The following XIRP2 variants were observed in gnomAD, a reference collection of about 807,000 sequenced individuals.
XIRP2 encodes xin actin-binding repeat-containing protein 2.
Under a neutral mutation model 277.0 loss-of-function variants are expected in XIRP2, and 236 were observed. That is an observed-to-expected ratio of 0.85 (90% CI 0.77 to 0.95). XIRP2 has a LOEUF of 0.95. Ranked by LOEUF, XIRP2 falls within the 40% of genes least tolerant of loss-of-function variation. XIRP2 has a pLI of 0.00. For missense variants in XIRP2, 4,640 were observed against 4,157.5 expected, an observed-to-expected ratio of 1.12 and a Z score of -3.19; for synonymous variants, 1,490 against 1,416.5, an observed-to-expected ratio of 1.05 and a Z score of -1.17.
chr2:167,171,719 G>A (rs1182859734), intron 3 of XIRP2, among the ~76,000 whole-genome samples: 7 of 149,788 alleles, frequency 4.7e-5, no homozygotes, highest in African/African-American at 9.9e-5. Context: ...TAATTCAAGT[G>A]TTTAAGTTTT....
At chr2:167,252,622 G>A (rs959066241) in intron 9 of XIRP2, among the ~76,000 whole-genome samples, 1 of 151,764 alleles carries the variant, frequency 6.6e-6, no homozygotes, top group Non-Finnish European at 1.5e-5. Flanking sequence ...TAAAAATTTT[G>A]ATTTTATTTG....
intron 2 of XIRP2, among the ~76,000 whole-genome samples, chr2:167,011,380 A>T (rs891511297): frequency 1.3e-5 from 2 of 150,780 alleles, no homozygotes; most frequent in Non-Finnish European, 3.0e-5. Flanking sequence ...ACATTTATTG[A>T]TTTGTGTATA....
chr2:167,048,646 A>G (rs180766058), intron 2 of XIRP2, among the ~76,000 whole-genome samples: 287 of 151,870 alleles, frequency 1.9e-3, no homozygotes, highest in Non-Finnish European at 2.2e-3. Flanking sequence ...AAATTGCCTA[A>G]ATCAGATCAC....
At chr2:166,904,858 G>A (rs1263281794) in intron 2 of XIRP2, among the ~76,000 whole-genome samples, 1 of 151,932 alleles carries the variant, frequency 6.6e-6, no homozygotes, top group East Asian at 1.9e-4. Flanking sequence ...CTTGTTAATG[G>A]ATAATTAGCC....
intron 2 of XIRP2, among the ~76,000 whole-genome samples, chr2:166,924,430 T>C (rs900856491): frequency 1.3e-4 from 20 of 152,114 alleles, no homozygotes; most frequent in Non-Finnish European, 1.9e-4. Flanking sequence ...ATCAGCTTTA[T>C]TTGCATAAAC....
Position 166,939,928 on chromosome 2 carries a change from G to T in XIRP2, c.408+36038G>T, listed in dbSNP as rs549628988. Among the ~76,000 whole-genome samples the T allele has an allele frequency of 3.9e-5, 6 of 152,152 alleles. No individual in the cohort carries two copies. The East Asian group carries it at 9.7e-4, about 25-fold the overall frequency. On this transcript the variant is annotated intron_variant, in intron 2 of 10. Transcript: ENST00000409195. ...GTGAATCTGACAATTATGTGTCTTG[G>T]AGTTGCTTTTCTTGAGGAGAATCTT...
Position 167,210,718 on chromosome 2 carries a change from GCT to G in XIRP2, c.563-14_563-13del. 2 of 1,613,874 alleles carry G rather than the reference GCT, an allele frequency of 1.2e-6. No individual in the cohort carries two copies. The highest frequency in any genetic ancestry group is 2.2e-5 in the East Asian group (1 of 44,858). On this transcript the variant is annotated splice_polypyrimidine_tract_variant and intron_variant, in intron 3 of 10. Transcript: ENST00000409195. ...AAGCTTAACACACATGTGTAAGCAT[GCT>G]CTGTTTGCTTTCAGCGACTGCTGGC...
intron 3 of XIRP2, among the ~76,000 whole-genome samples, chr2:167,177,710 C>A (rs2105354290): frequency 6.6e-6 from 1 of 152,180 alleles, no homozygotes; most frequent in South Asian, 2.1e-4. Context: ...ATCAGATATG[C>A]AAATATCCAA....
At chr2:167,010,523 T>C (rs1274184447) in intron 2 of XIRP2, among the ~76,000 whole-genome samples, 1 of 152,166 alleles carries the variant, frequency 6.6e-6, no homozygotes, top group Non-Finnish European at 1.5e-5. Flanking sequence ...AGCTTTGTTC[T>C]TTTGGCTTAG....
chr2:167,112,222 C>T (rs1558983946), intron 2 of XIRP2, among the ~76,000 whole-genome samples: 1 of 151,806 alleles, frequency 6.6e-6, no homozygotes, highest in East Asian at 1.9e-4. Context: ...TTGGTTTGCT[C>T]TTGCTTCTCT....
intron 2 of XIRP2, among the ~76,000 whole-genome samples, chr2:167,051,011 CT>C (rs1380675310): frequency 6.6e-6 from 1 of 152,034 alleles, no homozygotes; most frequent in African/African-American, 2.4e-5. Flanking sequence ...CTTATGCCCC[CT>C]ATCCATGAAC....
chr2:167,193,475 A>G (rs79328596), intron 3 of XIRP2, among the ~76,000 whole-genome samples: 4,368 of 152,236 alleles, frequency 0.029, 96 homozygotes, highest in African/African-American at 0.052. Context: ...CATTTCTTCC[A>G]TATTCTCAAA....
chr2:166,919,795 T>C (rs1684988614), intron 2 of XIRP2, among the ~76,000 whole-genome samples: 1 of 152,118 alleles, frequency 6.6e-6, no homozygotes, highest in South Asian at 2.1e-4. Flanking sequence ...AAATTTTCTT[T>C]CTTTTTAATA....
At chr2:166,982,800 A>G (rs551662341) in intron 2 of XIRP2, among the ~76,000 whole-genome samples, 4 of 152,158 alleles carry the variant, frequency 2.6e-5, no homozygotes, top group Non-Finnish European at 5.9e-5. Flanking sequence ...AAATTCCAAC[A>G]TCTGTATCAT....
chr2:167,136,604 T>C (rs1432515298), intron 3 of XIRP2, among the ~76,000 whole-genome samples: 1 of 152,226 alleles, frequency 6.6e-6, no homozygotes, highest in Non-Finnish European at 1.5e-5. Flanking sequence ...ATTAAAAAGT[T>C]AATAGCTCGT....
chr2:166,905,913 A>G (rs1339718436), intron 2 of XIRP2, among the ~76,000 whole-genome samples: 1 of 152,008 alleles, frequency 6.6e-6, no homozygotes, highest in Non-Finnish European at 1.5e-5. Flanking sequence ...CATATTGATT[A>G]CATACAACTT....
At chr2:167,229,993 T>C (rs981280933) in intron 5 of XIRP2, among the ~76,000 whole-genome samples, 7 of 151,930 alleles carry the variant, frequency 4.6e-5, no homozygotes, top group South Asian at 2.1e-4. Flanking sequence ...CAGGAATGAG[T>C]GGAGGCCACT....
chr2:166,969,346 C>T (rs1005377484), intron 2 of XIRP2, among the ~76,000 whole-genome samples: 3 of 152,088 alleles, frequency 2.0e-5, no homozygotes, highest in Admixed American at 2.0e-4. Context: ...TGAATTTATT[C>T]ACGTCTAGTC....
intron 2 of XIRP2, among the ~76,000 whole-genome samples, chr2:167,113,571 C>A (rs1252552806): frequency 2.0e-5 from 3 of 152,138 alleles, no homozygotes; most frequent in Non-Finnish European, 4.4e-5. Context: ...AGATAGCATA[C>A]CATCTGGCCC....
Sources: gnomAD v4.1 joint callset for allele counts (sites outside exome capture counted in the v4.1 genomes callset) on GRCh38, gnomAD v4.1.1 for gene constraint, MANE v1.5 for transcripts, NCBI Gene and HGNC (gene_info 2026-07-23, HGNC 2026-07-21) for gene names.